Variants in AFF3 observed in about 807,000 individuals in gnomAD.
AFF3 encodes AF4/FMR2 family member 3.
AFF3 carries 32 observed loss-of-function variants against 129.7 expected under a neutral mutation model. That is an observed-to-expected ratio of 0.25 (90% CI 0.19 to 0.33). AFF3 has a LOEUF of 0.33. Ranked by LOEUF, AFF3 falls within the 10% of genes least tolerant of loss-of-function variation. The pLI is 1.00. For synonymous variants in AFF3, 644 were observed against 635.4 expected, an observed-to-expected ratio of 1.01 and a Z score of -0.20; for missense variants, 1,373 against 1,592.0, an observed-to-expected ratio of 0.86 and a Z score of 2.34.
chr2:100,115,222 T>A (rs1691692862), intron 2 of AFF3, among the ~76,000 whole-genome samples: 1 of 152,200 alleles, frequency 6.6e-6, no homozygotes, highest in African/African-American at 2.4e-5. Context: ...CACCTATAGC[T>A]AATTTTGTAA....
At chr2:100,092,937 G>T (rs1326726665) in intron 4 of AFF3, among the ~76,000 whole-genome samples, 2 of 151,452 alleles carry the variant, frequency 1.3e-5, no homozygotes, top group African/African-American at 4.8e-5. Flanking sequence ...ACATATCAAG[G>T]GCTAGAAATG....
At chr2:99,935,501 CT>C (rs1187082902) in intron 7 of AFF3, among the ~76,000 whole-genome samples, 1 of 152,192 alleles carries the variant, frequency 6.6e-6, no homozygotes, top group Non-Finnish European at 1.5e-5. Context: ...ATGAACCTTA[CT>C]GAGAAGACAC....
chr2:99,664,704 T>C (rs1034679616), intron 12 of AFF3, among the ~76,000 whole-genome samples: 5 of 152,184 alleles, frequency 3.3e-5, no homozygotes, highest in African/African-American at 1.2e-4. Flanking sequence ...TATTGTACAA[T>C]GGACAGTGGG....
intron 13 of AFF3, among the ~76,000 whole-genome samples, chr2:99,610,240 G>T (rs1272033305): frequency 3.3e-5 from 5 of 152,076 alleles, no homozygotes; most frequent in African/African-American, 7.2e-5. Context: ...TCACCATAAA[G>T]ATCTCCCTCA....
At chr2:99,638,054 G>C (rs1683828940) in intron 13 of AFF3, among the ~76,000 whole-genome samples, 1 of 150,486 alleles carries the variant, frequency 6.6e-6, no homozygotes, top group South Asian at 2.1e-4. Context: ...GCACAAAGTG[G>C]GATGACAACG....
At chr2:99,880,931 C>T (rs1286849674) in intron 7 of AFF3, among the ~76,000 whole-genome samples, 5 of 152,122 alleles carry the variant, frequency 3.3e-5, no homozygotes, top group Admixed American at 1.3e-4. Context: ...CCCCGCAAGT[C>T]CCACTTGGTT....
chr2:99,992,339 C>G (rs1680432878), intron 7 of AFF3, among the ~76,000 whole-genome samples: 1 of 152,062 alleles, frequency 6.6e-6, no homozygotes, highest in African/African-American at 2.4e-5. Context: ...GAAACTTTAT[C>G]AGAAAAAGAT....
chr2:99,687,253 C>A (rs755931880), intron 11 of AFF3, among the ~76,000 whole-genome samples: 1 of 152,192 alleles, frequency 6.6e-6, no homozygotes, highest in Non-Finnish European at 1.5e-5. Context: ...ACCCATGCAG[C>A]CATTTTTAAT....
At chr2:99,614,306 G>A (rs1681208908) in intron 13 of AFF3, among the ~76,000 whole-genome samples, 1 of 152,186 alleles carries the variant, frequency 6.6e-6, no homozygotes, top group Non-Finnish European at 1.5e-5. Flanking sequence ...CATAAACTTG[G>A]ACATAAATTA....
chr2:99,811,869 C>T (rs542420868), intron 8 of AFF3, among the ~76,000 whole-genome samples: 3 of 152,340 alleles, frequency 2.0e-5, no homozygotes, highest in Admixed American at 6.5e-5. Context: ...TGCAGCTGTA[C>T]GATGGCCTTG....
intron 7 of AFF3, among the ~76,000 whole-genome samples, chr2:99,927,225 C>T (rs1293689083): frequency 6.6e-6 from 1 of 152,150 alleles, no homozygotes; most frequent in African/African-American, 2.4e-5. Context: ...AGAAACAATC[C>T]AGCCACAGGG....
At chr2:99,778,897 CGTGTGTGTGT>C (rs61526527) in intron 8 of AFF3, among the ~76,000 whole-genome samples, 9,391 of 43,092 alleles carry the variant, frequency 0.22, 988 homozygotes, top group African/African-American at 0.35. Context: ...TGTGTGTGCG[CGTGTGTGTGT>C]GTGTGTGTGT....
At chr2:99,755,785 C>T (rs962140664) in intron 8 of AFF3, among the ~76,000 whole-genome samples, 6 of 152,192 alleles carry the variant, frequency 3.9e-5, no homozygotes, top group Non-Finnish European at 7.3e-5. Flanking sequence ...CAGGGAATCG[C>T]CAGGCCCTAT....
At chr2:99,579,697 A>G (rs138926614) in intron 17 of AFF3, among the ~76,000 whole-genome samples, 5 of 152,232 alleles carry the variant, frequency 3.3e-5, no homozygotes, top group African/African-American at 1.2e-4. Flanking sequence ...TCCAGCCTGG[A>G]CAAGAACAAA....
In AFF3 at chr2:100,088,059, A is replaced by G. The variant is rs1194237675; in HGVS notation, c.53+16343T>C. On this transcript the variant is annotated intron_variant, in intron 4 of 24. Coordinates refer to ENST00000672756, the MANE Select transcript of AFF3 (RefSeq NM_001386135.1). Reference sequence around the variant, plus strand: ...GGGCATCTATGAAAAACCAACAGATAATATCACACTCAACAGTGAATGACA... The same window carrying G: ...GGGCATCTATGAAAAACCAACAGATGATATCACACTCAACAGTGAATGACA... Among the ~76,000 whole-genome samples, 16 of 148,452 alleles carry G rather than the reference A, an allele frequency of 1.1e-4. No individual in the cohort carries two copies. The Admixed American group carries it at 1.1e-3, about 10-fold the overall frequency.
chr2:99,874,040 G>T (rs1245615091), intron 7 of AFF3, among the ~76,000 whole-genome samples: 2 of 152,134 alleles, frequency 1.3e-5, no homozygotes. Flanking sequence ...AGCCGGGCGT[G>T]GTGGTGGACG....
intron 1 of AFF3, among the ~76,000 whole-genome samples, chr2:100,131,367 A>C (rs1692423944): frequency 6.6e-6 from 1 of 152,252 alleles, no homozygotes; most frequent in East Asian, 1.9e-4. Context: ...TCAAATGTTG[A>C]TATAAAGCAG....
chr2:99,733,054 G>A (rs754990088), intron 10 of AFF3, among the ~76,000 whole-genome samples: 1 of 151,668 alleles, frequency 6.6e-6, no homozygotes, highest in Non-Finnish European at 1.5e-5. Context: ...ACATATAGTC[G>A]TGTGTGTGTG....
intron 8 of AFF3, among the ~76,000 whole-genome samples, chr2:99,766,777 C>T (rs532637279): frequency 2.6e-5 from 4 of 152,046 alleles, no homozygotes; most frequent in Non-Finnish European, 5.9e-5. Context: ...AAAAGATATT[C>T]TATGGGAGCA....
Sources: gnomAD v4.1 joint callset for allele counts (sites outside exome capture counted in the v4.1 genomes callset) on GRCh38, gnomAD v4.1.1 for gene constraint, MANE v1.5 for transcripts, NCBI Gene and HGNC (gene_info 2026-07-23, HGNC 2026-07-21) for gene names.